GNB5: variants seen among roughly 807,000 people sequenced by gnomAD.
GNB5 encodes the protein G protein subunit beta 5, also known as guanine nucleotide-binding protein subunit beta-5.
A neutral mutation model predicts 55.3 loss-of-function variants in GNB5; 37 were observed. That is an observed-to-expected ratio of 0.67 (90% CI 0.51 to 0.88). The LOEUF (loss-of-function observed/expected upper bound fraction) is 0.88, where lower values mean the gene tolerates loss of function less well. GNB5 is among the 40% of genes least tolerant of loss of function. The pLI is 0.00. For missense variants in GNB5, 476 were observed against 515.3 expected (o/e 0.92, Z 0.74); for synonymous variants, 219 against 198.5 (o/e 1.10, Z -0.87).
At chr15:52,183,806 A>G (rs1415008573) in intron 2 of GNB5, among the ~76,000 whole-genome samples, 4 of 152,242 alleles carry the variant, frequency 2.6e-5, no homozygotes, top group Non-Finnish European at 4.4e-5. Context: ...TCTCAGAGAT[A>G]GGACTAATTC....
At chr15:52,159,166 G>C (rs1322686828) in intron 3 of GNB5, among the ~76,000 whole-genome samples, 1 of 152,178 alleles carries the variant, frequency 6.6e-6, no homozygotes, top group African/African-American at 2.4e-5. Flanking sequence ...GTAAGGGGTA[G>C]GTGCAGGCAA....
At chr15:52,166,169 C>A (rs533136978) in intron 3 of GNB5, among the ~76,000 whole-genome samples, 8 of 152,312 alleles carry the variant, frequency 5.3e-5, no homozygotes, top group African/African-American at 1.9e-4. Context: ...GCACCCAATA[C>A]AGGAGCACCC....
At chr15:52,175,652 T>C (rs1169330214) in intron 3 of GNB5, among the ~76,000 whole-genome samples, 2 of 150,826 alleles carry the variant, frequency 1.3e-5, no homozygotes, top group African/African-American at 4.9e-5. Flanking sequence ...GGCAGGAGAA[T>C]CGCTTGAACC....
intron 3 of GNB5, 52 bp downstream of exon 3, chr15:52,179,716 G>T: frequency 1.7e-6 from 2 of 1,203,932 alleles, no homozygotes; most frequent in Non-Finnish European, 1.1e-6. Context: ...CCCCGCCCGG[G>T]AAGTGGCGAG....
At chr15:52,142,562 T>G (rs1596070737) in intron 6 of GNB5, among the ~76,000 whole-genome samples, 1 of 108,220 alleles carries the variant, frequency 9.2e-6, no homozygotes, top group Non-Finnish European at 2.1e-5. Flanking sequence ...GCCAGCTGTG[T>G]TTTTTTTTTT....
At chr15:52,132,624 C>G (rs1285464357) in intron 9 of GNB5, among the ~76,000 whole-genome samples, 4 of 132,598 alleles carry the variant, frequency 3.0e-5, no homozygotes, top group Admixed American at 3.0e-4. Flanking sequence ...CACACATCAC[C>G]ATGCCCTGCT....
chr15:52,167,303 G>A (rs1029435740), intron 3 of GNB5, among the ~76,000 whole-genome samples: 2 of 152,178 alleles, frequency 1.3e-5, no homozygotes, highest in Admixed American at 1.3e-4. Context: ...TTGAAAAGGA[G>A]GGACTCCTCC....
At chr15:52,152,867 C>A (rs185456198) in intron 4 of GNB5, among the ~76,000 whole-genome samples, 96 of 152,304 alleles carry the variant, frequency 6.3e-4, no homozygotes, top group Admixed American at 5.0e-3. Flanking sequence ...TCAAGTGATC[C>A]TCCTGCCTTG....
At chr15:52,147,409 T>C in intron 6 of GNB5, 50 bp downstream of exon 6, 3 of 1,000,536 alleles carry the variant, frequency 3.0e-6, no homozygotes, top group Non-Finnish European at 4.8e-6. Context: ...AAGAGAACAG[T>C]ATTCTATGGT....
chr15:52,140,284 A>T (rs2141199804), intron 7 of GNB5: 1 of 158,546 alleles, frequency 6.3e-6, no homozygotes, highest in South Asian at 1.7e-4. Context: ...TCACCCCTGC[A>T]AGGGCTCCCG....
rs7172589 is a variant in GNB5 at position 52,188,909 on chromosome 15, C to T, written c.-19+2413G>A. On this transcript the variant is annotated intron_variant, in intron 1 of 12. Coordinates refer to ENST00000261837, the MANE Select transcript of GNB5 (RefSeq NM_016194.4). ...TTTATTCTTCCAGACTTTTCTGGCA[C>T]AAACACATAGATACAGCTTTGGTAG... Among the ~76,000 whole-genome samples, 1,434 of 152,338 alleles carry T rather than the reference C, an allele frequency of 9.4e-3. 25 individuals carry two copies. Among genetic ancestry groups the T allele is most frequent in the African/African-American group, 0.033 (1,376 of 41,576 alleles).
Position 52,184,644 on chromosome 15 carries a change from A to G in GNB5, c.33T>C (p.Phe11=). The change falls in exon 2 of 13, where the codon TTT becomes TTC. Residue 11 remains phenylalanine, a synonymous_variant. Transcript: ENST00000261837. The part of the protein sequence containing the change: MCDQTFLVNV[F]GSCDKCFKQR... Reference sequence around the variant, plus strand: ...GTTTGAAACATTTGTCACATGAGCCAAATACATTAACGAGAAAGGTCTGAT... The same window carrying G: ...GTTTGAAACATTTGTCACATGAGCCGAATACATTAACGAGAAAGGTCTGAT... The G allele has an allele frequency of 6.2e-7, 1 of 1,613,804 alleles. No homozygotes were observed. The highest frequency in any genetic ancestry group is 2.2e-5 in the East Asian group (1 of 44,884).
rs573580340 is a variant in GNB5 at position 52,128,113 on chromosome 15, C to T, written c.912+83G>A. The T allele has an allele frequency of 8.6e-5, 78 of 909,986 alleles. No individual in the cohort carries two copies. In the African/African-American group the frequency reaches 1.2e-3, roughly 14 times the overall value. 56.4% of individuals were successfully genotyped at this position (909,986 alleles called of 1,614,324 possible). On this transcript the variant is annotated intron_variant, in intron 10 of 12. Coordinates refer to ENST00000261837, the MANE Select transcript of GNB5 (RefSeq NM_016194.4). Reference sequence around the variant, plus strand: ...TATTGAATACTCGTTACTTCTGTAACCAGAAAAATAGTTATTTTCTTAAAA... The same window carrying T: ...TATTGAATACTCGTTACTTCTGTAATCAGAAAAATAGTTATTTTCTTAAAA...
At chr15:52,183,752 T>TG (rs1428731272) in intron 2 of GNB5, among the ~76,000 whole-genome samples, 3 of 152,176 alleles carry the variant, frequency 2.0e-5, no homozygotes, top group African/African-American at 7.2e-5. Flanking sequence ...TTTCACCAAG[T>TG]GGGGGCTCTG....
chr15:52,163,278 C>A (rs1420280715), intron 3 of GNB5, among the ~76,000 whole-genome samples: 1 of 152,212 alleles, frequency 6.6e-6, no homozygotes, highest in Non-Finnish European at 1.5e-5. Flanking sequence ...CACACGGAGA[C>A]CCAGGAGTTT....
intron 1 of GNB5, among the ~76,000 whole-genome samples, chr15:52,186,009 C>T (rs1286211689): frequency 1.3e-5 from 2 of 152,118 alleles, no homozygotes; most frequent in African/African-American, 4.8e-5. Flanking sequence ...AAACTCCTGA[C>T]CTCAAGTTAT....
At position 52,138,060 on chromosome 15, in the gene GNB5, GC is replaced by G; in HGVS notation, c.628-2305del. On this transcript the variant is annotated intron_variant, in intron 7 of 12. Transcript: ENST00000261837. ...ATGGGATCTCTCCTCCTCACCCTTT[GC>G]CCCCTTTCCCTTTTTCTTCCCCTCT... 3 of 772,472 alleles carry G rather than the reference GC, an allele frequency of 3.9e-6. No individual in the cohort carries two copies. The Admixed American group carries it at 7.0e-5, about 18-fold the overall frequency. The allele number at this position is 772,472 out of a possible 1,614,324, so 47.9% of individuals were successfully genotyped here. A position where few individuals can be genotyped will look rare whatever the true frequency, so the allele number is the denominator to read the frequency against.
chr15:52,159,220 G>A (rs760926737), intron 3 of GNB5, among the ~76,000 whole-genome samples: 5 of 152,106 alleles, frequency 3.3e-5, no homozygotes, highest in Non-Finnish European at 5.9e-5. Flanking sequence ...TTATCCCACC[G>A]TGACAGCAGC....
chr15:52,132,662 A>C (rs2033609312), intron 9 of GNB5, among the ~76,000 whole-genome samples: 1 of 105,574 alleles, frequency 9.5e-6, no homozygotes, highest in African/African-American at 4.3e-5. Context: ...TGGTAGAGAC[A>C]GGGTTGAGCC....
Sources: allele counts gnomAD v4.1 joint callset (sites outside exome capture counted in the v4.1 genomes callset), GRCh38; gene constraint gnomAD v4.1.1; transcripts MANE v1.5; gene names NCBI Gene and HGNC (gene_info 2026-07-23, HGNC 2026-07-21).